The following BCAS3 variants were observed in gnomAD, a reference collection of about 807,000 sequenced individuals.
BCAS3 encodes the protein BCAS3 microtubule associated cell migration factor, also known as BCAS4/BCAS3 fusion.
Under a neutral mutation model 116.1 loss-of-function variants are expected in BCAS3, and 53 were observed. The observed-to-expected ratio is 0.46, with a 90% CI of 0.37 to 0.57. BCAS3 has a LOEUF of 0.57. BCAS3 is among the 20% of genes least tolerant of loss of function. The pLI is 0.00. For missense variants in BCAS3, 917 were observed against 1,165.4 expected, an observed-to-expected ratio of 0.79 and a Z score of 3.10; for synonymous variants, 391 against 408.2, an observed-to-expected ratio of 0.96 and a Z score of 0.51.
intron 12 of BCAS3, among the ~76,000 whole-genome samples, 169 bp downstream of exon 12, chr17:60,910,871 C>T (rs1306394048): frequency 6.6e-6 from 1 of 152,020 alleles, no homozygotes; most frequent in Non-Finnish European, 1.5e-5. Context: ...CATGTTAGAA[C>T]CTGCTGTTTT....
At chr17:61,175,849 T>C (rs2079100911) in intron 22 of BCAS3, among the ~76,000 whole-genome samples, 1 of 151,694 alleles carries the variant, frequency 6.6e-6, no homozygotes. Flanking sequence ...AATAGGTAAG[T>C]TTGAGACTAG....
chr17:60,897,164 G>A (rs1201323378), intron 10 of BCAS3, among the ~76,000 whole-genome samples: 1 of 152,160 alleles, frequency 6.6e-6, no homozygotes, highest in East Asian at 1.9e-4. Flanking sequence ...CATTTATGAA[G>A]GGTAATTTTG....
At chr17:60,748,868 G>A (rs966492121) in intron 6 of BCAS3, 1 of 152,054 alleles carries the variant, frequency 6.6e-6, no homozygotes, top group South Asian at 2.1e-4. Flanking sequence ...ATATGGGTAA[G>A]TTTTCTGTTA....
rs1360827665 is a variant in BCAS3, at chr17:61,333,082, C to G, written c.2426-35245C>G. 2.6e-5 allele frequency among the ~76,000 whole-genome samples: 4 copies of G among 152,222 alleles called. No individual in the cohort carries two copies. The highest frequency in any genetic ancestry group is 4.4e-5 in the Non-Finnish European group (3 of 68,046). ...CTGCAGCCTGGAGGTTCCACAAGCC[C>G]TTTCTCATAGACCCCAGCAAGGTGC... On this transcript the variant is annotated intron_variant, in intron 22 of 23. Transcript: ENST00000407086. The surrounding 1 kb of genome is among the most constrained non-coding windows in gnomAD (Gnocchi z 4.8).
At chr17:61,197,434 C>T (rs997125604) in intron 22 of BCAS3, among the ~76,000 whole-genome samples, 1 of 152,156 alleles carries the variant, frequency 6.6e-6, no homozygotes, top group Non-Finnish European at 1.5e-5. Flanking sequence ...AAATTAGGCT[C>T]TTTTGCCAAC....
chr17:61,087,151 A>T lies in BCAS3; in HGVS notation c.2425+2587A>T. ...TAATTGCTCTTGAACCGGGAAGTGC[A>T]CCTCTGATTATGATCCATGCATTGG... On this transcript the variant is annotated intron_variant, in intron 22 of 23. Coordinates refer to ENST00000407086, the MANE Select transcript of BCAS3 (RefSeq NM_017679.5). This position sits in a 1 kb window ranked among gnomAD's most constrained non-coding sequence, Gnocchi z 4.6. 4 of 985,448 alleles carry T rather than the reference A, an allele frequency of 4.1e-6. No homozygotes were observed. The highest frequency in any genetic ancestry group is 4.8e-6 in the Non-Finnish European group (4 of 829,926). 61.0% of individuals were successfully genotyped at this position (985,448 alleles called of 1,614,324 possible). A position where few individuals can be genotyped will look rare whatever the true frequency, so the allele number is the denominator to read the frequency against.
chr17:61,071,090 T>C (rs2071387912), intron 19 of BCAS3, among the ~76,000 whole-genome samples: 1 of 152,174 alleles, frequency 6.6e-6, no homozygotes, highest in South Asian at 2.1e-4. Flanking sequence ...GCTCTTCTGC[T>C]ATAATGGCCA....
chr17:60,779,527 G>A (rs1265220216), intron 6 of BCAS3, among the ~76,000 whole-genome samples: 4 of 151,898 alleles, frequency 2.6e-5, no homozygotes, highest in African/African-American at 4.8e-5. Context: ...GTGCCACAAC[G>A]CCTAGCTAAT....
At chr17:61,334,684 A>C (rs1202707754) in intron 22 of BCAS3, among the ~76,000 whole-genome samples, 2 of 151,490 alleles carry the variant, frequency 1.3e-5, no homozygotes, top group Non-Finnish European at 2.9e-5. Context: ...AAAAAAAAAA[A>C]AAAAACACCA....
In BCAS3 at chr17:61,368,332, T is replaced by C; in HGVS notation, c.2431T>C (p.Phe811Leu). Reference protein sequence around the residue: ...STVIDAASGTFDRSVTLLEVC... With the variant: ...STVIDAASGTLDRSVTLLEVC... Reference sequence around the variant, plus strand: ...ATGTCCCGTGTGTGCCACAGGTACCTTTGACAGGAGCGTGACCCTGCTGGA... The same window carrying C: ...ATGTCCCGTGTGTGCCACAGGTACCCTTGACAGGAGCGTGACCCTGCTGGA... The change falls in exon 23 of 24, where the codon TTT becomes CTT. Residue 811 changes from phenylalanine (F) to leucine (L), a missense_variant. Transcript: ENST00000407086. The surrounding 1 kb of genome is among the most constrained non-coding windows in gnomAD (Gnocchi z 6.0). 1 of 1,593,884 alleles carries C rather than the reference T, an allele frequency of 6.3e-7. No homozygotes were observed. The highest frequency in any genetic ancestry group is 8.6e-7 in the Non-Finnish European group (1 of 1,164,464).
chr17:61,273,913 CTTTT>C (rs902690123), intron 22 of BCAS3, among the ~76,000 whole-genome samples: 1 of 141,350 alleles, frequency 7.1e-6, no homozygotes, highest in Non-Finnish European at 1.5e-5. Context: ...TATCTTCATT[CTTTT>C]TTTTTTCCCC....
chr17:61,025,783 TG>T (rs2066202834), intron 16 of BCAS3, among the ~76,000 whole-genome samples: 1 of 152,134 alleles, frequency 6.6e-6, no homozygotes, highest in Admixed American at 6.6e-5. Context: ...ATCTCTTGCG[TG>T]TCTCTGTTCC....
chr17:61,178,432 T>A (rs976644987), intron 22 of BCAS3, among the ~76,000 whole-genome samples: 11 of 152,028 alleles, frequency 7.2e-5, no homozygotes, highest in African/African-American at 2.4e-4. Flanking sequence ...TTGACTAGAG[T>A]TATTCTTCTT....
intron 14 of BCAS3, among the ~76,000 whole-genome samples, chr17:60,971,930 A>G (rs2061986434): frequency 6.6e-6 from 1 of 152,226 alleles, no homozygotes; most frequent in South Asian, 2.1e-4. Flanking sequence ...CCTTCTAAAA[A>G]AGGGAGTGTA....
At position 60,967,559 on chromosome 17, in the gene BCAS3, T is replaced by C. The variant is rs1014100668; in HGVS notation, c.1221+20207T>C. ...TGTTGTTCTCAGTCCTTCCTATAAC[T>C]GGATATTTATATCTTTCTTAAGTTT... On this transcript the variant is annotated intron_variant, in intron 14 of 23. Transcript: ENST00000407086. The surrounding 1 kb of genome is among the most constrained non-coding windows in gnomAD (Gnocchi z 4.7). Among the ~76,000 whole-genome samples the C allele has an allele frequency of 1.3e-5, 2 of 152,242 alleles. No homozygotes were observed. Among genetic ancestry groups the C allele is most frequent in the African/African-American group, 4.8e-5 (2 of 41,458 alleles).
chr17:60,925,839 C>T (rs1272218967), intron 13 of BCAS3, among the ~76,000 whole-genome samples: 1 of 141,812 alleles, frequency 7.1e-6, no homozygotes, highest in Non-Finnish European at 1.5e-5. Context: ...AGAAGTCTTT[C>T]TGATTTTAGA....
At position 61,082,161 on chromosome 17, in the gene BCAS3, T is replaced by C. The variant is rs1487195842; in HGVS notation, c.2328-2306T>C. Among the ~76,000 whole-genome samples the C allele has an allele frequency of 1.3e-5, 2 of 152,224 alleles. No individual in the cohort carries two copies. Among genetic ancestry groups the C allele is most frequent in the East Asian group, 3.8e-4 (2 of 5,202 alleles). ...CATATAATGTAAAAGATGCTGAGTA[T>C]GCAAAGCCTCTCTTTCCACTCGATT... is the stretch of plus-strand genomic sequence containing the variant. On this transcript the variant is annotated intron_variant, in intron 21 of 23. Coordinates refer to ENST00000407086, the MANE Select transcript of BCAS3 (RefSeq NM_017679.5). This position sits in a 1 kb window ranked among gnomAD's most constrained non-coding sequence, Gnocchi z 5.1.
intron 22 of BCAS3, among the ~76,000 whole-genome samples, chr17:61,163,379 A>G (rs559481118): frequency 2.0e-5 from 3 of 151,640 alleles, no homozygotes; most frequent in South Asian, 2.1e-4. Context: ...AGCCGAGATC[A>G]CGCCACTGCA....
chr17:61,218,420 A>G (rs746516412), intron 22 of BCAS3, among the ~76,000 whole-genome samples: 1 of 152,252 alleles, frequency 6.6e-6, no homozygotes, highest in Non-Finnish European at 1.5e-5. Flanking sequence ...TGAGACGTAC[A>G]TGCTGTTGGC....
Sources: allele counts gnomAD v4.1 joint callset (sites outside exome capture counted in the v4.1 genomes callset), GRCh38; gene constraint gnomAD v4.1.1; non-coding constraint Gnocchi (gnomAD v3.1); transcripts MANE v1.5; gene names NCBI Gene and HGNC (gene_info 2026-07-23, HGNC 2026-07-21).